GON4L: variants seen among roughly 807,000 people sequenced by gnomAD.
The protein encoded by GON4L is gon-4 like.
Under a neutral mutation model 211.8 loss-of-function variants are expected in GON4L, and 87 were observed. That is an observed-to-expected ratio of 0.41 (90% CI 0.35 to 0.49). The LOEUF is 0.49. GON4L is among the 20% of genes least tolerant of loss of function. The pLI is 0.15. For synonymous variants in GON4L, 875 were observed against 962.6 expected (o/e 0.91, Z 1.68); for missense variants, 2,155 against 2,659.5 (o/e 0.81, Z 4.17).
intron 11 of GON4L, among the ~76,000 whole-genome samples, chr1:155,796,788 T>C (rs1325215309): frequency 6.6e-6 from 1 of 151,842 alleles, no homozygotes; most frequent in East Asian, 1.9e-4. Context: ...TAGCCACATG[T>C]GACTTGAGAA....
Position 155,765,241 on chromosome 1 carries a change from G to C in GON4L, c.4232C>G (p.Ser1411Ter). ...ATCCATTGAGGACAAAGCATTCTTT[G>C]ATGATCCTTTGTTCACATCTGTCCC... ...TSGTDVNKGS[S>*]KNALSSMDPE... Residue 1411 changes from serine (S) to a stop codon, truncating the protein, a stop_gained, in exon 21 of 32, where the codon TCA becomes TGA. Transcript: ENST00000368331. LOFTEE classifies it high-confidence loss of function. 1 of 1,614,140 alleles carries C rather than the reference G, an allele frequency of 6.2e-7. No individual in the cohort carries two copies. Among genetic ancestry groups the C allele is most frequent in the South Asian group, 1.1e-5 (1 of 91,076 alleles).
upstream of GON4L, among the ~76,000 whole-genome samples, chr1:155,857,721 T>C (rs1480728356): frequency 3.2e-5 from 2 of 62,156 alleles, no homozygotes; most frequent in African/African-American, 7.6e-5. Flanking sequence ...AGTGAGACTC[T>C]GTATCAAAAA....
intron 23 of GON4L, among the ~76,000 whole-genome samples, chr1:155,761,352 T>A (rs1661782007): frequency 7.7e-6 from 1 of 129,650 alleles, no homozygotes; most frequent in African/African-American, 3.1e-5. Context: ...TAGCTCACTA[T>A]TTTTTTTTTA....
Position 155,785,327 on chromosome 1 carries a change from T to G in GON4L, c.1788+7A>C. The stretch of plus-strand genomic sequence containing the variant: ...TCCCGTGTTCTCACTCGAGGATCAT[T>G]ACTCACAGTTTCAAACAGCTCTTCC... On this transcript the variant is annotated splice_region_variant and intron_variant, in intron 13 of 31. Transcript: ENST00000368331. The G allele has an allele frequency of 6.4e-7, 1 of 1,560,032 alleles. No individual in the cohort carries two copies. The highest frequency in any genetic ancestry group is 8.8e-7 in the Non-Finnish European group (1 of 1,130,480).
At chr1:155,759,040 A>G (rs1661485029) in intron 24 of GON4L, among the ~76,000 whole-genome samples, 2 of 151,942 alleles carry the variant, frequency 1.3e-5, no homozygotes, top group African/African-American at 4.8e-5. Context: ...CTTGTCACCC[A>G]AACTGGAGTG....
intron 3 of GON4L, among the ~76,000 whole-genome samples, chr1:155,823,972 T>G (rs1668951696): frequency 6.6e-6 from 1 of 152,032 alleles, no homozygotes; most frequent in African/African-American, 2.4e-5. Context: ...AATAAAAAAT[T>G]TAGTATTTCA....
chr1:155,813,590 T>C, intron 10 of GON4L, 44 bp downstream of exon 10: 1 of 1,397,802 alleles, frequency 7.2e-7, no homozygotes, highest in Non-Finnish European at 1.0e-6. Context: ...ACAACTACAT[T>C]ACTCCACTTG....
chr1:155,795,604 A>G (rs708613), intron 11 of GON4L, among the ~76,000 whole-genome samples: 142,459 of 152,178 alleles, frequency 0.94, 67,437 homozygotes, highest in East Asian at 1. Context: ...TGACTCTCAA[A>G]GGGAATAGCC....
Position 155,763,565 on chromosome 1 carries a change from C to T in GON4L, c.4474-1G>A. On this transcript the variant is annotated splice_acceptor_variant, in intron 21 of 31. Coordinates refer to ENST00000368331, the MANE Select transcript of GON4L (RefSeq NM_001282860.2). LOFTEE classifies it high-confidence loss of function. The stretch of plus-strand genomic sequence containing the variant: ...GCCAAGTCAGTTTCTCCATTGTTTC[C>T]TGTAAAACCCTCCAAAGAGTACTTA... 1 of 1,541,484 alleles carries T rather than the reference C, an allele frequency of 6.5e-7. No homozygotes were observed. The highest frequency in any genetic ancestry group is 8.7e-7 in the Non-Finnish European group (1 of 1,144,904).
At chr1:155,850,727 C>T (rs1010995014) in intron 2 of GON4L, among the ~76,000 whole-genome samples, 1 of 151,802 alleles carries the variant, frequency 6.6e-6, no homozygotes. Flanking sequence ...ACTTAAAATG[C>T]GGCAAAAAAG....
chr1:155,846,956 T>G (rs1262584675), intron 2 of GON4L, among the ~76,000 whole-genome samples: 2 of 152,032 alleles, frequency 1.3e-5, no homozygotes, highest in African/African-American at 4.8e-5. Flanking sequence ...ATTGAGGTTG[T>G]GCCATTGCAC....
chr1:155,811,917 T>C (rs952878261), intron 10 of GON4L, among the ~76,000 whole-genome samples: 11 of 151,530 alleles, frequency 7.3e-5, no homozygotes, highest in Non-Finnish European at 1.2e-4. Context: ...CCAGGCGTGG[T>C]GGTGGGCACC....
intron 14 of GON4L, among the ~76,000 whole-genome samples, chr1:155,781,208 T>A (rs1356355440): frequency 6.6e-6 from 1 of 151,830 alleles, no homozygotes; most frequent in Non-Finnish European, 1.5e-5. Flanking sequence ...AATGGAGTGG[T>A]CTCGGCTCAC....
Position 155,750,653 on chromosome 1 carries a change from G to A in GON4L, c.6657C>T (p.Thr2219=). ...ACAGCTGGTCTGCATTGCTGGTACT[G>A]GTTGCATCATCCTCATCCTCAGAGC... The part of the protein sequence containing the change: ...EASSEDEDDA[T]STSNADQLSD... The change falls in exon 32 of 32, where the codon ACC becomes ACT. Residue 2219 remains threonine (T), a synonymous_variant. Transcript: ENST00000368331. 1 of 1,577,718 alleles carries A rather than the reference G, an allele frequency of 6.3e-7. No individual in the cohort carries two copies. Among genetic ancestry groups the A allele is most frequent in the Non-Finnish European group, 8.6e-7 (1 of 1,156,238 alleles).
intron 11 of GON4L, among the ~76,000 whole-genome samples, chr1:155,796,116 T>C (rs1318709928): frequency 6.6e-6 from 1 of 152,046 alleles, no homozygotes; most frequent in East Asian, 1.9e-4. Context: ...AAAAGTTCAA[T>C]ACATGTATGA....
Position 155,757,303 on chromosome 1 carries a change from C to T in GON4L, c.5274G>A (p.Gln1758=). Reference sequence around the variant, plus strand: ...GCAGGTGGTCGTGGCCCTTGAGGAGCTGCCACATCTGTGTCTTGAGCTGAG... The same window carrying T: ...GCAGGTGGTCGTGGCCCTTGAGGAGTTGCCACATCTGTGTCTTGAGCTGAG... ...EITELKTQMW[Q]LLKGHDHLQD... Residue 1758 remains glutamine (Q), a synonymous_variant, in exon 26 of 32, where the codon CAG becomes CAA. Coordinates refer to ENST00000368331, the MANE Select transcript of GON4L (RefSeq NM_001282860.2). The T allele has an allele frequency of 1.2e-6, 2 of 1,613,764 alleles. No individual in the cohort carries two copies. The highest frequency in any genetic ancestry group is 1.7e-6 in the Non-Finnish European group (2 of 1,179,820).
chr1:155,810,658 G>A (rs1190084316), intron 10 of GON4L, among the ~76,000 whole-genome samples: 1 of 142,268 alleles, frequency 7.0e-6, no homozygotes, highest in Non-Finnish European at 1.5e-5. Flanking sequence ...AGTGAGCCGA[G>A]ATCACGCCAT....
chr1:155,756,183 C>T (rs1299185640), intron 27 of GON4L, among the ~76,000 whole-genome samples: 1 of 152,060 alleles, frequency 6.6e-6, no homozygotes, highest in African/African-American at 2.4e-5. Context: ...TTAAATGTGT[C>T]AATAATCCAT....
chr1:155,767,549 T>G lies in GON4L; in HGVS notation c.2647-8A>C. The G allele has an allele frequency of 6.2e-7, 1 of 1,606,580 alleles. No homozygotes were observed. Among genetic ancestry groups the G allele is most frequent in the Admixed American group, 1.7e-5 (1 of 59,506 alleles). The stretch of plus-strand genomic sequence containing the variant: ...TTTGGTCTTCTTATAAAACTTAACA[T>G]GAAAAAAATGCGCATGAATTACATT... On this transcript the variant is annotated splice_polypyrimidine_tract_variant and splice_region_variant and intron_variant, in intron 19 of 31. Coordinates refer to ENST00000368331, the MANE Select transcript of GON4L (RefSeq NM_001282860.2).
Sources: gnomAD v4.1 joint callset for allele counts (sites outside exome capture counted in the v4.1 genomes callset) on GRCh38, gnomAD v4.1.1 for gene constraint, MANE v1.5 for transcripts, NCBI Gene and HGNC (gene_info 2026-07-23, HGNC 2026-07-21) for gene names.